Variants in CA10 observed in about 807,000 individuals in gnomAD.
The protein encoded by CA10 is carbonic anhydrase 10 (inactive).
In CA10, 14 loss-of-function variants were observed where a neutral mutation model predicts 44.2. That is an observed-to-expected ratio of 0.32 (90% CI 0.21 to 0.50). The LOEUF (loss-of-function observed/expected upper bound fraction) is 0.50, where lower values mean the gene tolerates loss of function less well. Ranked by LOEUF, CA10 falls within the 20% of genes least tolerant of loss-of-function variation. The probability of loss-of-function intolerance (pLI) is 0.99; values close to 1 mark genes in which losing one functional copy is unlikely to be tolerated. For missense variants in CA10, 350 were observed against 409.7 expected, an observed-to-expected ratio of 0.85 and a Z score of 1.26; for synonymous variants, 159 against 141.6, an observed-to-expected ratio of 1.12 and a Z score of -0.87.
intron 4 of CA10, among the ~76,000 whole-genome samples, chr17:51,707,457 C>T (rs1422832538): frequency 6.6e-6 from 1 of 152,140 alleles, no homozygotes; most frequent in Non-Finnish European, 1.5e-5. Flanking sequence ...GGTGAATTAG[C>T]TCTCACAGGT....
chr17:51,655,485 GC>G (rs1913758931), intron 4 of CA10, among the ~76,000 whole-genome samples: 2 of 152,306 alleles, frequency 1.3e-5, no homozygotes, highest in African/African-American at 4.8e-5. Context: ...CAAAAAAGAT[GC>G]TTTTCCTTGA....
intron 3 of CA10, among the ~76,000 whole-genome samples, chr17:51,809,286 A>G (rs1195104534): frequency 6.6e-6 from 1 of 152,184 alleles, no homozygotes; most frequent in Non-Finnish European, 1.5e-5. Context: ...ACATTTCTAA[A>G]CACCTATTAT....
chr17:51,955,509 A>G (rs932053541), intron 2 of CA10, among the ~76,000 whole-genome samples: 2 of 151,720 alleles, frequency 1.3e-5, no homozygotes, highest in Non-Finnish European at 2.9e-5. Flanking sequence ...CTGGCTGCCC[A>G]CTCTCTTGGG....
At chr17:51,922,916 G>A (rs1358332629) in intron 3 of CA10, among the ~76,000 whole-genome samples, 2 of 151,872 alleles carry the variant, frequency 1.3e-5, no homozygotes, top group Non-Finnish European at 2.9e-5. Flanking sequence ...TTCCTTGTTG[G>A]TTAGAATTAA....
At chr17:52,048,043 TTAAA>T (rs923740287) in intron 2 of CA10, among the ~76,000 whole-genome samples, 27 of 133,484 alleles carry the variant, frequency 2.0e-4, no homozygotes, top group African/African-American at 8.1e-4. Flanking sequence ...CCCACAAAAA[TTAAA>T]AAAAAAAAAA....
At chr17:51,922,001 T>C (rs1982252905) in intron 3 of CA10, among the ~76,000 whole-genome samples, 1 of 152,200 alleles carries the variant, frequency 6.6e-6, no homozygotes, top group African/African-American at 2.4e-5. Flanking sequence ...TTAGTTTCTC[T>C]GACAAAGAAA....
chr17:52,001,057 GTTGT>G (rs1985407247), intron 2 of CA10, among the ~76,000 whole-genome samples: 1 of 149,094 alleles, frequency 6.7e-6, no homozygotes, highest in African/African-American at 2.5e-5. Flanking sequence ...CACTCTTTTT[GTTGT>G]TAATTGTCTC....
In CA10 at chr17:51,948,341, G is replaced by A. The variant is rs1446818337; in HGVS notation, c.137-17209C>T. On this transcript the variant is annotated intron_variant, in intron 2 of 8. Coordinates refer to ENST00000451037, the MANE Select transcript of CA10 (RefSeq NM_020178.5). Reference sequence around the variant, plus strand: ...TTCCTGTTTGCCTCCTGTTCCGGTTGGCATTATTCCAGCGATGGGTCATTG... The same window carrying A: ...TTCCTGTTTGCCTCCTGTTCCGGTTAGCATTATTCCAGCGATGGGTCATTG... Among the ~76,000 whole-genome samples the A allele has an allele frequency of 2.6e-5, 4 of 152,144 alleles. No homozygotes were observed. The East Asian group carries it at 5.8e-4, about 22-fold the overall frequency.
intron 2 of CA10, among the ~76,000 whole-genome samples, chr17:52,006,541 A>C (rs1387963533): frequency 6.6e-6 from 1 of 151,798 alleles, no homozygotes; most frequent in Non-Finnish European, 1.5e-5. Flanking sequence ...CCCTAGAGGT[A>C]ATCAAGGTCC....
intron 4 of CA10, among the ~76,000 whole-genome samples, chr17:51,677,327 TAGTG>T (rs1215953990): frequency 2.0e-5 from 3 of 152,104 alleles, no homozygotes; most frequent in Non-Finnish European, 2.9e-5. Context: ...GTTCTTGTGA[TAGTG>T]AGTGAGTTAT....
chr17:52,080,205 C>T (rs533258612), intron 1 of CA10, among the ~76,000 whole-genome samples: 1 of 152,280 alleles, frequency 6.6e-6, no homozygotes, highest in South Asian at 2.1e-4. Context: ...CTAATCCCAG[C>T]ACTTTGGGAG....
chr17:51,722,386 G>A (rs1321890398), intron 4 of CA10, among the ~76,000 whole-genome samples: 1 of 152,150 alleles, frequency 6.6e-6, no homozygotes, highest in African/African-American at 2.4e-5. Context: ...AAATTTGTAG[G>A]TGTGTGTGAC....
intron 1 of CA10, among the ~76,000 whole-genome samples, chr17:52,073,861 A>G (rs2143143925): frequency 6.6e-6 from 1 of 152,318 alleles, no homozygotes; most frequent in East Asian, 1.9e-4. Flanking sequence ...CGGAAGATTC[A>G]ACTGAGACTC....
chr17:52,056,102 A>T (rs1286284927), intron 2 of CA10, among the ~76,000 whole-genome samples: 1 of 152,018 alleles, frequency 6.6e-6, no homozygotes. Context: ...CTGGAAGTCT[A>T]CCTTTTAGGA....
chr17:52,051,829 A>G (rs1055574514), intron 2 of CA10, among the ~76,000 whole-genome samples: 1 of 152,124 alleles, frequency 6.6e-6, no homozygotes, highest in African/African-American at 2.4e-5. Context: ...ACATGCATAC[A>G]TATGTTCACT....
At chr17:51,730,665 T>C (rs1258127505) in intron 4 of CA10, among the ~76,000 whole-genome samples, 1 of 152,128 alleles carries the variant, frequency 6.6e-6, no homozygotes, top group African/African-American at 2.4e-5. Context: ...ATATTAAAGG[T>C]CCACTGTAAC....
intron 4 of CA10, among the ~76,000 whole-genome samples, chr17:51,717,175 G>A (rs1157351395): frequency 2.6e-5 from 4 of 152,016 alleles, no homozygotes; most frequent in African/African-American, 4.8e-5. Context: ...AGAGAGCTCC[G>A]AATACCCCTG....
At chr17:51,677,892 C>CA (rs1378881047) in intron 4 of CA10, among the ~76,000 whole-genome samples, 2 of 143,648 alleles carry the variant, frequency 1.4e-5, no homozygotes, top group African/African-American at 4.9e-5. Context: ...TACACCCCCC[C>CA]CCCCACCGGC....
chr17:51,645,276 A>G (rs544882812), intron 6 of CA10, among the ~76,000 whole-genome samples: 8 of 152,154 alleles, frequency 5.3e-5, no homozygotes, highest in Non-Finnish European at 5.9e-5. Flanking sequence ...CCTTTTGTCA[A>G]CAGATGATGT....
Sources: allele counts gnomAD v4.1 joint callset (sites outside exome capture counted in the v4.1 genomes callset), GRCh38; gene constraint gnomAD v4.1.1; transcripts MANE v1.5; gene names NCBI Gene and HGNC (gene_info 2026-07-23, HGNC 2026-07-21).